CACNA2D3: variants seen among roughly 807,000 people sequenced by gnomAD.
The protein encoded by CACNA2D3 is voltage-dependent calcium channel subunit alpha-2/delta-3.
A neutral mutation model predicts 160.6 loss-of-function variants in CACNA2D3; 60 were observed. The ratio of observed to expected loss-of-function variants is 0.37; its 90% CI spans 0.30 to 0.46. The LOEUF (loss-of-function observed/expected upper bound fraction) is 0.46. Among genes scored for constraint, CACNA2D3 ranks in the 20% least tolerant of loss-of-function variants. The pLI is 1.00. For missense variants in CACNA2D3, 1,205 were observed against 1,365.0 expected, an observed-to-expected ratio of 0.88 and a Z score of 1.85; for synonymous variants, 558 against 492.9, an observed-to-expected ratio of 1.13 and a Z score of -1.75.
rs747694442 is a variant in CACNA2D3 at position 54,642,260 on chromosome 3, C to T, written c.1167+19C>T. The T allele has an allele frequency of 4.8e-5, 72 of 1,490,998 alleles. No individual in the cohort carries two copies. In the Middle Eastern group the frequency reaches 5.1e-4, roughly 11 times the overall value. 92.4% of individuals were successfully genotyped at this position (1,490,998 alleles called of 1,614,324 possible). On this transcript the variant is annotated intron_variant, in intron 11 of 37. Transcript: ENST00000474759. ...TCGAAAGGTAAGTTGATGCTGATCCCGTCTGTGCGGTGGACTCCTTGAGAA... is the reference window on the plus strand; with the variant it reads ...TCGAAAGGTAAGTTGATGCTGATCCTGTCTGTGCGGTGGACTCCTTGAGAA...
intron 11 of CACNA2D3, among the ~76,000 whole-genome samples, chr3:54,690,457 C>G (rs1041424598): frequency 6.6e-6 from 1 of 152,182 alleles, no homozygotes; most frequent in Non-Finnish European, 1.5e-5. Flanking sequence ...GGGCCCAGCA[C>G]AAAGTAAATA....
At chr3:54,160,882 G>T (rs1374911641) in intron 2 of CACNA2D3, among the ~76,000 whole-genome samples, 1 of 152,184 alleles carries the variant, frequency 6.6e-6, no homozygotes, top group Non-Finnish European at 1.5e-5. Flanking sequence ...TGTCAAAGGA[G>T]TAAGAAATTA....
chr3:54,832,011 T>TCACACACACACACACA (rs60020847), intron 14 of CACNA2D3, among the ~76,000 whole-genome samples: 8 of 118,944 alleles, frequency 6.7e-5, no homozygotes, highest in East Asian at 2.5e-4. Flanking sequence ...CTCTTCTCTG[T>TCACACACACACACACA]CACACACACA....
rs563052998 is a variant in CACNA2D3 at position 54,169,759 on chromosome 3, TTGTG to T, written c.204+46176_204+46179del. On this transcript the variant is annotated intron_variant, in intron 2 of 37. Transcript: ENST00000474759. ...TGTGCGAGTGTGCATGTGTGTGTGT[TTGTG>T]TGTGTGTGTGGAGGTGGTGATGATG... Among the ~76,000 whole-genome samples the T allele has an allele frequency of 4.7e-5, 7 of 150,372 alleles. No individual in the cohort carries two copies. The East Asian group carries it at 5.9e-4, about 13-fold the overall frequency.
chr3:54,927,866 A>G (rs558483606), intron 27 of CACNA2D3: 2 of 1,612,176 alleles, frequency 1.2e-6, no homozygotes, highest in African/African-American at 2.7e-5. Context: ...TCTTTCTCCC[A>G]GACAAGAACT....
At chr3:54,651,569 A>G (rs1699764935) in intron 11 of CACNA2D3, among the ~76,000 whole-genome samples, 1 of 152,048 alleles carries the variant, frequency 6.6e-6, no homozygotes, top group South Asian at 2.1e-4. Flanking sequence ...GCCCTTGATC[A>G]TGGAATGGCT....
intron 11 of CACNA2D3, among the ~76,000 whole-genome samples, chr3:54,689,008 A>G (rs658852): frequency 0.66 from 40,298 of 61,192 alleles, 12,320 homozygotes; most frequent in Admixed American, 0.7. Flanking sequence ...AAAAAAAAAA[A>G]AAAGAATGAG....
At chr3:54,228,489 A>G (rs1478020293) in intron 2 of CACNA2D3, among the ~76,000 whole-genome samples, 2 of 152,226 alleles carry the variant, frequency 1.3e-5, no homozygotes, top group Non-Finnish European at 2.9e-5. Flanking sequence ...TTGACTTGCC[A>G]GACTGTGGTG....
intron 6 of CACNA2D3, among the ~76,000 whole-genome samples, chr3:54,569,024 C>A (rs958932516): frequency 1.3e-5 from 2 of 152,164 alleles, no homozygotes; most frequent in African/African-American, 4.8e-5. Flanking sequence ...ATCCTCCATC[C>A]CTGAGCAGAA....
At chr3:54,997,134 C>T (rs984219371) in intron 31 of CACNA2D3, among the ~76,000 whole-genome samples, 3 of 152,100 alleles carry the variant, frequency 2.0e-5, no homozygotes, top group Non-Finnish European at 4.4e-5. Context: ...AACAAACCTG[C>T]ACATTCTGCA....
chr3:54,145,035 T>G (rs2107272797), intron 2 of CACNA2D3, among the ~76,000 whole-genome samples: 1 of 152,322 alleles, frequency 6.6e-6, no homozygotes, highest in Admixed American at 6.5e-5. Flanking sequence ...AATATCTCTT[T>G]ATAGGATCTC....
intron 11 of CACNA2D3, among the ~76,000 whole-genome samples, chr3:54,683,687 T>C (rs1450934108): frequency 6.6e-6 from 1 of 152,194 alleles, no homozygotes; most frequent in Non-Finnish European, 1.5e-5. Flanking sequence ...ATACTATGTT[T>C]CTCAGGGATG....
chr3:54,484,058 C>T (rs75658799), intron 4 of CACNA2D3, among the ~76,000 whole-genome samples: 3,105 of 152,272 alleles, frequency 0.02, 87 homozygotes, highest in East Asian at 0.11. Context: ...TGTTGTGCTG[C>T]AGTTTCCTTA....
intron 13 of CACNA2D3, among the ~76,000 whole-genome samples, chr3:54,803,730 A>C (rs1198696778): frequency 6.6e-6 from 1 of 152,186 alleles, no homozygotes; most frequent in African/African-American, 2.4e-5. Flanking sequence ...CCTTGAGAAG[A>C]GCAACTCCAA....
At chr3:54,861,031 T>C (rs1699280324) in intron 17 of CACNA2D3, among the ~76,000 whole-genome samples, 1 of 152,204 alleles carries the variant, frequency 6.6e-6, no homozygotes, top group Non-Finnish European at 1.5e-5. Flanking sequence ...CATGGGAACC[T>C]GTTCTTTGCC....
At chr3:54,972,279 AT>A (rs912528785) in intron 29 of CACNA2D3, among the ~76,000 whole-genome samples, 1 of 152,144 alleles carries the variant, frequency 6.6e-6, no homozygotes, top group African/African-American at 2.4e-5. Flanking sequence ...TGATGCTCAA[AT>A]ATCCTGAGTT....
intron 9 of CACNA2D3, among the ~76,000 whole-genome samples, chr3:54,596,158 T>C (rs1195904948): frequency 6.6e-6 from 1 of 152,064 alleles, no homozygotes; most frequent in African/African-American, 2.4e-5. Context: ...TTTAGGTCCC[T>C]CCTTCAGTCT....
At chr3:54,566,560 C>G (rs1575349791) in intron 6 of CACNA2D3, among the ~76,000 whole-genome samples, 1 of 152,082 alleles carries the variant, frequency 6.6e-6, no homozygotes, top group African/African-American at 2.4e-5. Flanking sequence ...CTGACAGTAC[C>G]TACCCATGTA....
intron 2 of CACNA2D3, among the ~76,000 whole-genome samples, chr3:54,168,370 A>C (rs1700497152): frequency 6.6e-6 from 1 of 152,204 alleles, no homozygotes; most frequent in South Asian, 2.1e-4. Flanking sequence ...TATCATTGGA[A>C]TTTTCTACCT....
Sources: allele counts gnomAD v4.1 joint callset (sites outside exome capture counted in the v4.1 genomes callset), GRCh38; gene constraint gnomAD v4.1.1; transcripts MANE v1.5; gene names NCBI Gene and HGNC (gene_info 2026-07-23, HGNC 2026-07-21).